The following PGR variants were observed in gnomAD, a reference collection of about 807,000 sequenced individuals.
PGR encodes nuclear receptor subfamily 3 group C member 3.
PGR carries 25 observed loss-of-function variants against 76.1 expected under a neutral mutation model. That is an observed-to-expected ratio of 0.33 (90% CI 0.24 to 0.46). The LOEUF is 0.46. Among genes scored for constraint, PGR ranks in the 20% least tolerant of loss-of-function variants. The probability of loss-of-function intolerance (pLI) is 1.00; values close to 1 mark genes in which losing one functional copy is unlikely to be tolerated. For missense variants in PGR, 1,172 were observed against 1,225.3 expected (o/e 0.96, Z 0.65); for synonymous variants, 579 against 535.0 (o/e 1.08, Z -1.14).
chr11:101,127,585 G>A lies in PGR; in HGVS notation c.1486C>T (p.Pro496Ser), dbSNP rs1862895782. 2 of 1,319,178 alleles carry A rather than the reference G, an allele frequency of 1.5e-6. No individual in the cohort carries two copies. Among genetic ancestry groups the A allele is most frequent in the Middle Eastern group, 2.5e-4 (1 of 3,996 alleles). 81.7% of individuals were successfully genotyped at this position (1,319,178 alleles called of 1,614,324 possible). The change falls in exon 1 of 8, where the codon CCC becomes TCC. Residue 496 changes from proline (P) to serine (S), a missense_variant. Around this residue, in one of 4 missense-constraint regions of PGR, gnomAD observed 893 missense variants for 785.9 expected, o/e 1.14. Transcript: ENST00000325455. ...SGCLLPRDGL[P>S]STSASAAAAG... ...GCGGCGGCAGAGGCGGAGGTGGAGG[G>A]CAGGCCGTCCCGCGGGAGCAGGCAG...
At chr11:101,082,957 T>C (rs1861359077) in intron 3 of PGR, among the ~76,000 whole-genome samples, 1 of 152,074 alleles carries the variant, frequency 6.6e-6, no homozygotes, top group Non-Finnish European at 1.5e-5. Context: ...GTCAAGACAA[T>C]GGGGAAAATG....
At chr11:101,062,154 A>G (rs1395883129) in intron 4 of PGR, among the ~76,000 whole-genome samples, 2 of 152,098 alleles carry the variant, frequency 1.3e-5, no homozygotes, top group Non-Finnish European at 2.9e-5. Flanking sequence ...TTTCTGAGCT[A>G]CTCTAATATC....
rs1041679649 is a variant in PGR at position 101,038,421 on chromosome 11, T to C, written c.*695A>G. 5.9e-5 allele frequency: 13 copies of C among 219,804 alleles called. No individual in the cohort carries two copies. The highest frequency in any genetic ancestry group is 2.9e-4 in the Admixed American group (5 of 17,300). The allele number at this position is 219,804 out of a possible 1,614,324, so 13.6% of individuals were successfully genotyped here. ...ACAATTCTCTCCCCAAAAAAGGTTA[T>C]TTTAAAAACCTACAAAACCCACAAT... On this transcript the variant is annotated 3_prime_UTR_variant, in exon 8 of 8. Coordinates refer to ENST00000325455, the MANE Select transcript of PGR (RefSeq NM_000926.4).
intron 4 of PGR, among the ~76,000 whole-genome samples, chr11:101,058,291 C>T (rs1348813393): frequency 6.6e-6 from 1 of 152,106 alleles, no homozygotes; most frequent in African/African-American, 2.4e-5. Flanking sequence ...TAGTCTTTAT[C>T]AACACATTTA....
rs368835097 is a variant in PGR at position 101,036,171 on chromosome 11, T to TA, written c.*2944dup. 82 of 221,084 alleles carry TA rather than the reference T, an allele frequency of 3.7e-4. No homozygotes were observed. The highest frequency in any genetic ancestry group is 1.8e-3 in the African/African-American group (80 of 44,780). The allele number at this position is 221,084 out of a possible 1,614,324, so 13.7% of individuals were successfully genotyped here. On this transcript the variant is annotated 3_prime_UTR_variant, in exon 8 of 8. Transcript: ENST00000325455. ...AAGTTACAGGTTGACATTCCATGGC[T>TA]ACTTACAAGGCATAGTTTTGGCAAA...
intron 2 of PGR, among the ~76,000 whole-genome samples, chr11:101,116,361 G>A (rs1316212446): frequency 6.6e-6 from 1 of 152,218 alleles, no homozygotes; most frequent in East Asian, 1.9e-4. Flanking sequence ...GGCAGCAGAG[G>A]CTAGCTGAGA....
chr11:101,052,849 G>A (rs1860144970), intron 4 of PGR, among the ~76,000 whole-genome samples: 1 of 152,122 alleles, frequency 6.6e-6, no homozygotes, highest in African/African-American at 2.4e-5. Flanking sequence ...ACATCTTTCA[G>A]TATTTGTCTT....
At chr11:101,042,797 T>C (rs543303822) in intron 6 of PGR, among the ~76,000 whole-genome samples, 44 of 152,182 alleles carry the variant, frequency 2.9e-4, no homozygotes, top group Non-Finnish European at 5.4e-4. Flanking sequence ...CCAGTCCACG[T>C]AGAAGTTATA....
chr11:101,039,108 G>A lies in PGR; in HGVS notation c.*8C>T. 6.2e-7 allele frequency: 1 copy of A among 1,607,540 alleles called. No individual in the cohort carries two copies. The highest frequency in any genetic ancestry group is 8.5e-7 in the Non-Finnish European group (1 of 1,174,842). On this transcript the variant is annotated 3_prime_UTR_variant, in exon 8 of 8. Coordinates refer to ENST00000325455, the MANE Select transcript of PGR (RefSeq NM_000926.4). ...AAAATTTAATTCTTTAAAAGAAAAA[G>A]ATGACATTCACTTTTTATGAAAGAG...
At chr11:101,042,150 A>G (rs755337951) in intron 6 of PGR, 48 bp from the exon 7 acceptor site, 2 of 1,578,124 alleles carry the variant, frequency 1.3e-6, no homozygotes, top group Non-Finnish European at 1.7e-6. Context: ...AAAAGATGAC[A>G]TTAACAATTT....
At chr11:101,072,841 T>C (rs924720250) in intron 3 of PGR, among the ~76,000 whole-genome samples, 1 of 152,120 alleles carries the variant, frequency 6.6e-6, no homozygotes, top group Non-Finnish European at 1.5e-5. Flanking sequence ...TAGAGGCCTA[T>C]GAAGAGACTT....
intron 3 of PGR, among the ~76,000 whole-genome samples, chr11:101,080,887 T>C (rs1030599744): frequency 1.3e-5 from 2 of 152,208 alleles, no homozygotes; most frequent in African/African-American, 4.8e-5. Flanking sequence ...ATTTTAAAGC[T>C]TGAAGGCTGG....
chr11:101,074,523 G>C (rs1299738860), intron 3 of PGR, among the ~76,000 whole-genome samples: 1 of 152,164 alleles, frequency 6.6e-6, no homozygotes, highest in Non-Finnish European at 1.5e-5. Context: ...AATAGGAAGA[G>C]AGGAAGTCAA....
intron 3 of PGR, among the ~76,000 whole-genome samples, chr11:101,065,620 G>A (rs1860683866): frequency 6.6e-6 from 1 of 152,098 alleles, no homozygotes; most frequent in Non-Finnish European, 1.5e-5. Context: ...TTGCACCTCT[G>A]AAAAATAACG....
Position 101,062,433 on chromosome 11 carries a change from A to C in PGR, c.2212+14T>G. 1 of 1,597,582 alleles carries C rather than the reference A, an allele frequency of 6.3e-7. No homozygotes were observed. The highest frequency in any genetic ancestry group is 8.6e-7 in the Non-Finnish European group (1 of 1,165,182). On this transcript the variant is annotated intron_variant, in intron 4 of 7. Coordinates refer to ENST00000325455, the MANE Select transcript of PGR (RefSeq NM_000926.4). ...TATTTTTTATTACATGCTGTATATAAAAATTATTATTACCTGGCAATGATT... is the reference window on the plus strand; with the variant it reads ...TATTTTTTATTACATGCTGTATATACAAATTATTATTACCTGGCAATGATT...
At chr11:101,096,246 T>C (rs1861827893) in intron 2 of PGR, among the ~76,000 whole-genome samples, 1 of 152,196 alleles carries the variant, frequency 6.6e-6, no homozygotes, top group African/African-American at 2.4e-5. Flanking sequence ...CATATCATTG[T>C]AGACTGCCTG....
chr11:101,083,918 G>T (rs193250901), intron 3 of PGR, among the ~76,000 whole-genome samples: 2 of 152,184 alleles, frequency 1.3e-5, no homozygotes, highest in African/African-American at 2.4e-5. Context: ...AGGCATGATT[G>T]TGTTTTGAAA....
In PGR at chr11:101,051,407, C is replaced by A; in HGVS notation, c.2357+17G>T. On this transcript the variant is annotated intron_variant, in intron 5 of 7. Coordinates refer to ENST00000325455, the MANE Select transcript of PGR (RefSeq NM_000926.4). ...TGTACACTTAAAATAACAAAAACAACAAAAGTTACTACTTACTCATTTAGT... is the reference window on the plus strand; with the variant it reads ...TGTACACTTAAAATAACAAAAACAAAAAAAGTTACTACTTACTCATTTAGT... The A allele has an allele frequency of 6.4e-7, 1 of 1,570,452 alleles. No homozygotes were observed. The highest frequency in any genetic ancestry group is 8.8e-7 in the Non-Finnish European group (1 of 1,141,626).
chr11:101,110,444 T>C (rs1862309634), intron 2 of PGR, among the ~76,000 whole-genome samples: 1 of 152,136 alleles, frequency 6.6e-6, no homozygotes, highest in African/African-American at 2.4e-5. Context: ...TAACTGCATA[T>C]GTGGTAGGAA....
Sources: allele counts gnomAD v4.1 joint callset (sites outside exome capture counted in the v4.1 genomes callset), GRCh38; gene constraint gnomAD v4.1.1; regional missense constraint gnomAD v4.1.1; transcripts MANE v1.5; gene names NCBI Gene and HGNC (gene_info 2026-07-23, HGNC 2026-07-21).